The following NRXN3 variants were observed in gnomAD, a reference collection of about 807,000 sequenced individuals.
NRXN3 encodes the protein neurexin III.
In NRXN3, 32 loss-of-function variants were observed where a neutral mutation model predicts 137.6. The ratio of observed to expected loss-of-function variants is 0.23; its 90% CI spans 0.18 to 0.31. NRXN3 has a LOEUF of 0.31. Among genes scored for constraint, NRXN3 ranks in the 10% least tolerant of loss-of-function variants. NRXN3 has a pLI of 1.00. For missense variants in NRXN3, 1,574 were observed against 2,062.5 expected (o/e 0.76, Z 4.59); for synonymous variants, 798 against 784.5 (o/e 1.02, Z -0.29).
At chr14:78,735,863 T>C (rs553025913) in intron 8 of NRXN3, among the ~76,000 whole-genome samples, 3 of 152,302 alleles carry the variant, frequency 2.0e-5, no homozygotes, top group African/African-American at 7.2e-5. Flanking sequence ...ATTTTACATA[T>C]GAGGAAAACA....
At chr14:78,732,607 T>A (rs2098521603) in intron 8 of NRXN3, among the ~76,000 whole-genome samples, 1 of 152,176 alleles carries the variant, frequency 6.6e-6, no homozygotes, top group South Asian at 2.1e-4. Flanking sequence ...ACTCATCATA[T>A]CTCTAGGAGT....
chr14:78,524,189 T>G (rs528373895), intron 4 of NRXN3, among the ~76,000 whole-genome samples: 2 of 152,270 alleles, frequency 1.3e-5, no homozygotes, highest in South Asian at 2.1e-4. Flanking sequence ...GAAATCTTAG[T>G]GTATGTTTTT....
intron 15 of NRXN3, among the ~76,000 whole-genome samples, chr14:79,305,789 C>T (rs936657065): frequency 2.6e-5 from 4 of 152,054 alleles, no homozygotes; most frequent in African/African-American, 9.7e-5. Context: ...CTTCACCTCA[C>T]CTGCCCTCAG....
At chr14:79,259,066 A>T (rs528531557) in intron 15 of NRXN3, among the ~76,000 whole-genome samples, 1 of 152,206 alleles carries the variant, frequency 6.6e-6, no homozygotes, top group African/African-American at 2.4e-5. Context: ...TTCTGCAGGC[A>T]TCCCAGGTTG....
chr14:78,772,530 G>T (rs1039211829), intron 8 of NRXN3, among the ~76,000 whole-genome samples: 1 of 152,062 alleles, frequency 6.6e-6, no homozygotes, highest in African/African-American at 2.4e-5. Flanking sequence ...TCAAAACTAG[G>T]GTAATGACAA....
chr14:79,002,854 T>A (rs2099544525), intron 15 of NRXN3, among the ~76,000 whole-genome samples: 1 of 152,210 alleles, frequency 6.6e-6, no homozygotes, highest in Admixed American at 6.5e-5. Context: ...CGTGTTCCTG[T>A]TTCTCCACAA....
intron 8 of NRXN3, among the ~76,000 whole-genome samples, chr14:78,760,083 C>T (rs1158295663): frequency 7.3e-6 from 1 of 137,766 alleles, no homozygotes; most frequent in East Asian, 2.2e-4. Flanking sequence ...CTCTTGTTGC[C>T]CTGGCTGGAG....
At chr14:78,308,554 G>A (rs761203120) in intron 4 of NRXN3, among the ~76,000 whole-genome samples, 5 of 152,104 alleles carry the variant, frequency 3.3e-5, no homozygotes, top group Non-Finnish European at 7.4e-5. Context: ...GGGCTTGGAT[G>A]CATCAGAAGT....
intron 4 of NRXN3, among the ~76,000 whole-genome samples, chr14:78,397,214 A>G (rs181482719): frequency 1.3e-3 from 205 of 152,268 alleles, no homozygotes; most frequent in Non-Finnish European, 2.0e-3. Flanking sequence ...CTCTTACCAC[A>G]GTTGGGGAGT....
intron 15 of NRXN3, among the ~76,000 whole-genome samples, chr14:79,078,385 A>C (rs965527112): frequency 3.3e-5 from 5 of 152,160 alleles, no homozygotes; most frequent in African/African-American, 1.2e-4. Context: ...AATGAGTGTT[A>C]GAGGCCCATT....
At chr14:78,809,712 A>G (rs2098898985) in intron 9 of NRXN3, among the ~76,000 whole-genome samples, 1 of 152,112 alleles carries the variant, frequency 6.6e-6, no homozygotes, top group African/African-American at 2.4e-5. Flanking sequence ...TTGGGGCCCA[A>G]CCTAAGGAGA....
intron 8 of NRXN3, among the ~76,000 whole-genome samples, chr14:78,755,273 C>A (rs1433375602): frequency 6.6e-6 from 1 of 151,712 alleles, no homozygotes; most frequent in African/African-American, 2.4e-5. Flanking sequence ...GCAATTCTCC[C>A]ACCTTGGCCT....
intron 4 of NRXN3, among the ~76,000 whole-genome samples, chr14:78,387,253 T>C (rs12432856): frequency 0.29 from 44,526 of 152,082 alleles, 8,233 homozygotes; most frequent in Admixed American, 0.41. Flanking sequence ...ATGTCTTTCA[T>C]CCTCATAAAA....
intron 4 of NRXN3, among the ~76,000 whole-genome samples, chr14:78,535,188 A>G (rs1465503969): frequency 1.3e-5 from 2 of 151,822 alleles, no homozygotes; most frequent in East Asian, 1.9e-4. Flanking sequence ...TGAAACTGAC[A>G]ACTGAGCTGC....
In NRXN3 at chr14:78,358,264, G is replaced by A. The variant is rs186323368; in HGVS notation, c.757+60404G>A. Among the ~76,000 whole-genome samples, 12 of 152,280 alleles carry A rather than the reference G, an allele frequency of 7.9e-5. No individual in the cohort carries two copies. The East Asian group carries it at 1.9e-3, about 25-fold the overall frequency. Reference sequence around the variant, plus strand: ...TGTTTACCATGTACTAAGTGTGGTTGTAAGTACCATGTGTGGATTATCTCA... The same window carrying A: ...TGTTTACCATGTACTAAGTGTGGTTATAAGTACCATGTGTGGATTATCTCA... On this transcript the variant is annotated intron_variant, in intron 4 of 20. Coordinates refer to ENST00000335750, the MANE Select transcript of NRXN3 (RefSeq NM_001330195.2).
chr14:78,598,803 G>A (rs1047854307), intron 4 of NRXN3, among the ~76,000 whole-genome samples: 7 of 152,174 alleles, frequency 4.6e-5, no homozygotes, highest in African/African-American at 1.7e-4. Context: ...TCTCTGGGAC[G>A]CGGGGTCTTT....
At chr14:78,280,298 A>G (rs2153503149) in intron 3 of NRXN3, among the ~76,000 whole-genome samples, 1 of 152,296 alleles carries the variant, frequency 6.6e-6, no homozygotes, top group East Asian at 1.9e-4. Context: ...ATACACACGT[A>G]TATGCATGTT....
intron 15 of NRXN3, among the ~76,000 whole-genome samples, chr14:79,238,007 T>A (rs577522351): frequency 1.4e-4 from 21 of 152,238 alleles, no homozygotes; most frequent in African/African-American, 5.1e-4. Flanking sequence ...GAGGTATTTT[T>A]AAATCCAAGC....
At chr14:78,497,288 A>G (rs995756422) in intron 4 of NRXN3, among the ~76,000 whole-genome samples, 2 of 152,184 alleles carry the variant, frequency 1.3e-5, no homozygotes, top group Non-Finnish European at 2.9e-5. Flanking sequence ...TATAGCCACA[A>G]ACATAATTGG....
Sources: gnomAD v4.1 joint callset for allele counts (sites outside exome capture counted in the v4.1 genomes callset) on GRCh38, gnomAD v4.1.1 for gene constraint, MANE v1.5 for transcripts, NCBI Gene and HGNC (gene_info 2026-07-23, HGNC 2026-07-21) for gene names.